The following DYNC2H1 variants were observed in gnomAD, a reference collection of about 807,000 sequenced individuals.
DYNC2H1 encodes dynein cytoplasmic 2 heavy chain 1.
A neutral mutation model predicts 570.0 loss-of-function variants in DYNC2H1; 410 were observed. That is an observed-to-expected ratio of 0.72 (90% CI 0.66 to 0.78). The LOEUF (loss-of-function observed/expected upper bound fraction) is 0.78. DYNC2H1 is among the 30% of genes least tolerant of loss of function. The probability of loss-of-function intolerance (pLI) is 0.00; values close to 1 mark genes in which losing one functional copy is unlikely to be tolerated. For missense variants in DYNC2H1, 4,865 were observed against 5,046.4 expected (o/e 0.96, Z 1.09); for synonymous variants, 1,688 against 1,677.6 (o/e 1.01, Z -0.15).
At chr11:103,175,745 G>A (rs1161259198) in intron 36 of DYNC2H1, among the ~76,000 whole-genome samples, 1 of 152,218 alleles carries the variant, frequency 6.6e-6, no homozygotes, top group East Asian at 1.9e-4. Context: ...TGGTATATTT[G>A]GAGAGGCACC....
chr11:103,443,630 A>ACCCACTGGC (rs1263064187), intron 85 of DYNC2H1, among the ~76,000 whole-genome samples: 1 of 151,382 alleles, frequency 6.6e-6, no homozygotes. Context: ...CCTGAAAATT[A>ACCCACTGGC]TTGGTAATCT....
In DYNC2H1 at chr11:103,189,942, A is replaced by C. The variant is rs12577323; in HGVS notation, c.7437+126A>C. The C allele has an allele frequency of 0.11, 103,755 of 968,140 alleles. 6,277 individuals carry two copies. The highest frequency in any genetic ancestry group is 0.12 in the East Asian group (4,830 of 40,052). 60.0% of individuals were successfully genotyped at this position (968,140 alleles called of 1,614,324 possible). A position where few individuals can be genotyped will look rare whatever the true frequency, so the allele number is the denominator to read the frequency against. On this transcript the variant is annotated intron_variant, in intron 45 of 88. Coordinates refer to ENST00000375735, the MANE Select transcript of DYNC2H1 (RefSeq NM_001377.3). The surrounding 1 kb of genome is among the most constrained non-coding windows in gnomAD (Gnocchi z 4.3). ...CCTGTTTATTAGACTTTTCTAGTAG[A>C]GAGTAACTGTGAAGACAGGTGCTGT... is the stretch of plus-strand genomic sequence containing the variant.
chr11:103,309,832 T>C (rs564666412), intron 78 of DYNC2H1, among the ~76,000 whole-genome samples: 2 of 152,218 alleles, frequency 1.3e-5, no homozygotes, highest in Admixed American at 6.5e-5. Flanking sequence ...TAAGAGAGTA[T>C]TATTATACCA....
chr11:103,425,626 G>C lies in DYNC2H1; in HGVS notation c.12367-10317G>C, dbSNP rs146093615. 4.9e-3 allele frequency among the ~76,000 whole-genome samples: 746 copies of C among 151,546 alleles called. 4 individuals carry two copies. Among genetic ancestry groups the C allele is most frequent in the African/African-American group, 0.017 (717 of 41,324 alleles). Reference sequence around the variant, plus strand: ...ATTGTAAAATAATATGAAAAGATGAGGTTTGAATATTTGTTAACTGTTTTA... The same window carrying C: ...ATTGTAAAATAATATGAAAAGATGACGTTTGAATATTTGTTAACTGTTTTA... On this transcript the variant is annotated intron_variant, in intron 84 of 88. Coordinates refer to ENST00000375735, the MANE Select transcript of DYNC2H1 (RefSeq NM_001377.3).
rs1170451138 is a variant in DYNC2H1 at position 103,325,032 on chromosome 11, GT to G, written c.12039+1048del. On this transcript the variant is annotated intron_variant, in intron 82 of 88. Coordinates refer to ENST00000375735, the MANE Select transcript of DYNC2H1 (RefSeq NM_001377.3). The surrounding 1 kb of genome is among the most constrained non-coding windows in gnomAD (Gnocchi z 4.8). The stretch of plus-strand genomic sequence containing the variant: ...CTTCTTTTGAGAAGCATCTCTTCAT[GT>G]TTTTTGCCCACTTTTTAATGGGCTT... Among the ~76,000 whole-genome samples the G allele has an allele frequency of 6.6e-6, 1 of 152,172 alleles. No individual in the cohort carries two copies. The highest frequency in any genetic ancestry group is 2.4e-5 in the African/African-American group (1 of 41,542).
chr11:103,114,017 A>G, intron 2 of DYNC2H1, 86 bp from the exon 3 acceptor site: 1 of 1,488,500 alleles, frequency 6.7e-7, no homozygotes, highest in Non-Finnish European at 9.1e-7. Context: ...TTTAAGAAAA[A>G]TGGGGTTTTG....
intron 29 of DYNC2H1, among the ~76,000 whole-genome samples, chr11:103,162,417 A>G (rs1175216042): frequency 6.6e-6 from 1 of 152,300 alleles, no homozygotes; most frequent in East Asian, 1.9e-4. Flanking sequence ...TTCATTGTTT[A>G]TCAATCATTG....
At chr11:103,431,241 A>T (rs11821414) in intron 84 of DYNC2H1, among the ~76,000 whole-genome samples, 1 of 151,816 alleles carries the variant, frequency 6.6e-6, no homozygotes. Context: ...AAACTAAAAA[A>T]CTTTAAGATT....
chr11:103,340,357 C>A (rs1017238820), intron 82 of DYNC2H1, among the ~76,000 whole-genome samples: 13 of 151,842 alleles, frequency 8.6e-5, no homozygotes, highest in Non-Finnish European at 1.8e-4. Flanking sequence ...AAAAGATTTG[C>A]AAAATTACGA....
chr11:103,170,312 A>G lies in DYNC2H1; in HGVS notation c.5151+22A>G. On this transcript the variant is annotated intron_variant, in intron 33 of 88. Transcript: ENST00000375735. This position sits in a 1 kb window ranked among gnomAD's most constrained non-coding sequence, Gnocchi z 4.8. ...TGAGGTAGAATAAATAATTATCAAA[A>G]TATGTAACAATGGGTTAATCATATT... The G allele has an allele frequency of 6.5e-7, 1 of 1,528,246 alleles. No individual in the cohort carries two copies. Among genetic ancestry groups the G allele is most frequent in the Non-Finnish European group, 8.8e-7 (1 of 1,138,990 alleles). The allele number at this position is 1,528,246 out of a possible 1,614,324, so 94.7% of individuals were successfully genotyped here. A position where few individuals can be genotyped will look rare whatever the true frequency, so the allele number is the denominator to read the frequency against.
chr11:103,142,396 G>A (rs1441165189), intron 17 of DYNC2H1, among the ~76,000 whole-genome samples: 8 of 152,066 alleles, frequency 5.3e-5, no homozygotes, highest in Non-Finnish European at 7.4e-5. Flanking sequence ...TGGGTTGGGC[G>A]TGGTGGCTCA....
intron 53 of DYNC2H1, among the ~76,000 whole-genome samples, chr11:103,211,204 A>AT (rs1375364271): frequency 3.8e-3 from 1 of 264 alleles, no homozygotes; most frequent in African/African-American, 0.018. Flanking sequence ...AGAGTCGAGG[A>AT]TGTTTTTTGG....
chr11:103,120,923 A>G lies in DYNC2H1; in HGVS notation c.1249-2A>G. 1 of 1,479,116 alleles carries G rather than the reference A, an allele frequency of 6.8e-7. No individual in the cohort carries two copies. Among genetic ancestry groups the G allele is most frequent in the Non-Finnish European group, 9.0e-7 (1 of 1,113,854 alleles). 91.6% of individuals were successfully genotyped at this position (1,479,116 alleles called of 1,614,324 possible). The stretch of plus-strand genomic sequence containing the variant: ...ACATGTACTTATTTTATTTTATATT[A>G]GCTTCTTCAAGCATTCCTGAAATAT... On this transcript the variant is annotated splice_acceptor_variant, in intron 8 of 88. Transcript: ENST00000375735. LOFTEE classifies it high-confidence loss of function.
chr11:103,326,460 C>A lies in DYNC2H1; in HGVS notation c.12039+2470C>A, dbSNP rs112176359. 0.031 allele frequency among the ~76,000 whole-genome samples: 4,778 copies of A among 152,264 alleles called. 129 individuals carry two copies. The highest frequency in any genetic ancestry group is 0.054 in the Non-Finnish European group (3,649 of 68,016). On this transcript the variant is annotated intron_variant, in intron 82 of 88. Coordinates refer to ENST00000375735, the MANE Select transcript of DYNC2H1 (RefSeq NM_001377.3). This position sits in a 1 kb window ranked among gnomAD's most constrained non-coding sequence, Gnocchi z 6.1. Reference sequence around the variant, plus strand: ...CTCTGTGCTGGCCCACAAACCTGCACGTCCCACCCCTCTCAGTGATCTGAG... The same window carrying A: ...CTCTGTGCTGGCCCACAAACCTGCAAGTCCCACCCCTCTCAGTGATCTGAG...
At chr11:103,142,199 C>T (rs995703027) in intron 17 of DYNC2H1, among the ~76,000 whole-genome samples, 9 of 152,380 alleles carry the variant, frequency 5.9e-5, no homozygotes, top group East Asian at 1.9e-4. Flanking sequence ...GGCTCACGCA[C>T]GATGCGCTGC....
chr11:103,437,877 A>G (rs1432281664), intron 85 of DYNC2H1, among the ~76,000 whole-genome samples: 2 of 152,108 alleles, frequency 1.3e-5, no homozygotes, highest in African/African-American at 2.4e-5. Flanking sequence ...AATGATAAAT[A>G]TATCAGTGGT....
intron 74 of DYNC2H1, 148 bp downstream of exon 74, chr11:103,286,534 T>C: frequency 1.1e-6 from 1 of 947,790 alleles, no homozygotes; most frequent in African/African-American, 1.7e-5. Context: ...TGCCACCTTA[T>C]TGACAATTAA....
intron 21 of DYNC2H1, 120 bp downstream of exon 21, chr11:103,152,405 AC>A: frequency 1.2e-6 from 1 of 860,706 alleles, no homozygotes; most frequent in Non-Finnish European, 1.7e-6. Flanking sequence ...GTTGAAATTG[AC>A]CTCCCTGACT....
chr11:103,327,203 CA>C (rs1350245633), intron 82 of DYNC2H1, among the ~76,000 whole-genome samples: 2 of 151,984 alleles, frequency 1.3e-5, no homozygotes, highest in Non-Finnish European at 2.9e-5. Context: ...AAGATCTGCC[CA>C]AATTTTGTTG....
Sources: gnomAD v4.1 joint callset for allele counts (sites outside exome capture counted in the v4.1 genomes callset) on GRCh38, gnomAD v4.1.1 for gene constraint, Gnocchi (gnomAD v3.1) non-coding constraint, MANE v1.5 for transcripts, NCBI Gene and HGNC (gene_info 2026-07-23, HGNC 2026-07-21) for gene names.